Variants in CSMD3 observed in about 807,000 individuals in gnomAD.
CSMD3 encodes CUB and Sushi multiple domains 3.
A neutral mutation model predicts 435.2 loss-of-function variants in CSMD3; 177 were observed. The ratio of observed to expected loss-of-function variants is 0.41; its 90% CI spans 0.36 to 0.46. The LOEUF (loss-of-function observed/expected upper bound fraction) is 0.46, where lower values mean the gene tolerates loss of function less well. Among genes scored for constraint, CSMD3 ranks in the 20% least tolerant of loss-of-function variants. The probability of loss-of-function intolerance (pLI) is 0.34; values close to 1 mark genes in which losing one functional copy is unlikely to be tolerated. For missense variants in CSMD3, 4,265 were observed against 4,504.6 expected, an observed-to-expected ratio of 0.95 and a Z score of 1.52; for synonymous variants, 1,656 against 1,520.5, an observed-to-expected ratio of 1.09 and a Z score of -2.07.
At chr8:112,689,323 C>A (rs758601855) in intron 14 of CSMD3, among the ~76,000 whole-genome samples, 1 of 151,974 alleles carries the variant, frequency 6.6e-6, no homozygotes, top group Non-Finnish European at 1.5e-5. Flanking sequence ...AGTTAAACTG[C>A]AATATCTTAA....
At chr8:113,102,596 C>T (rs1333640674) in intron 4 of CSMD3, among the ~76,000 whole-genome samples, 6 of 151,964 alleles carry the variant, frequency 3.9e-5, no homozygotes, top group Non-Finnish European at 8.8e-5. Context: ...AACTAGTTAT[C>T]GAATTAAGGA....
chr8:112,861,307 G>C (rs1292287507), intron 10 of CSMD3, among the ~76,000 whole-genome samples: 1 of 151,702 alleles, frequency 6.6e-6, no homozygotes, highest in Non-Finnish European at 1.5e-5. Context: ...CTGCATGAAA[G>C]CTTGGTATCT....
chr8:112,778,682 A>G (rs2078305519), intron 13 of CSMD3, among the ~76,000 whole-genome samples: 1 of 151,954 alleles, frequency 6.6e-6, no homozygotes, highest in Non-Finnish European at 1.5e-5. Context: ...TTTTGAGTTC[A>G]TTTGCGTAAA....
At chr8:112,922,326 T>TATTTATCCCCCTCATGA (rs1423588265) in intron 9 of CSMD3, among the ~76,000 whole-genome samples, 1 of 151,892 alleles carries the variant, frequency 6.6e-6, no homozygotes, top group Admixed American at 6.6e-5. Context: ...GAGAATGAGG[T>TATTTATCCCCCTCATGA]ATTTATCCCC....
chr8:112,373,007 T>A (rs978523195), intron 38 of CSMD3, among the ~76,000 whole-genome samples: 1,879 of 84,908 alleles, frequency 0.022, 36 homozygotes, highest in African/African-American at 0.054. Flanking sequence ...TATATAAAAA[T>A]ATATATATAT....
chr8:112,573,657 T>C lies in CSMD3; in HGVS notation c.3886A>G (p.Ile1296Val). The C allele has an allele frequency of 1.9e-6, 3 of 1,571,780 alleles. No homozygotes were observed. The highest frequency in any genetic ancestry group is 2.7e-5 in the African/African-American group (2 of 73,734). ...GTCGTTTTATCTTTTCCATCATAAA[T>C]CTGCAAAATATATTTATAATTAAAA... The part of the protein sequence containing the change: ...FHLAQGDVLK[I>V]YDGKDKTTHL... Residue 1296 changes from isoleucine to valine, a missense_variant and splice_region_variant, in exon 24 of 71, where the codon ATT becomes GTT. Transcript: ENST00000297405.
intron 61 of CSMD3, among the ~76,000 whole-genome samples, chr8:112,261,981 T>A (rs571620686): frequency 6.6e-6 from 1 of 152,254 alleles, no homozygotes; most frequent in Non-Finnish European, 1.5e-5. Flanking sequence ...TGTACAAGTC[T>A]GTGATTGGTC....
chr8:113,095,072 G>GAA (rs972437815), intron 5 of CSMD3, among the ~76,000 whole-genome samples: 1 of 142,512 alleles, frequency 7.0e-6, no homozygotes, highest in Non-Finnish European at 1.5e-5. Flanking sequence ...CTCCATCTCA[G>GAA]AAAAAAAAAA....
rs535066541 is a variant in CSMD3, at chr8:112,384,496, T to C, written c.5935-833A>G. Among the ~76,000 whole-genome samples the C allele has an allele frequency of 2.6e-5, 4 of 152,344 alleles. No individual in the cohort carries two copies. The East Asian group carries it at 7.7e-4, about 29-fold the overall frequency. ...CTCACAACTACGGATGCTACCTATT[T>C]TGCTATTTCTTTATTAAATTTTTTG... On this transcript the variant is annotated intron_variant, in intron 36 of 70. Transcript: ENST00000297405.
At chr8:112,457,805 C>A (rs934964883) in intron 32 of CSMD3, among the ~76,000 whole-genome samples, 4 of 151,992 alleles carry the variant, frequency 2.6e-5, no homozygotes, top group African/African-American at 9.7e-5. Context: ...CTCCCAGCTG[C>A]ATATGAATGT....
chr8:112,686,744 C>T (rs1383845525), intron 14 of CSMD3, among the ~76,000 whole-genome samples: 2 of 151,988 alleles, frequency 1.3e-5, no homozygotes, highest in Non-Finnish European at 2.9e-5. Context: ...CCTCGGCCTC[C>T]GTAAGTAATG....
intron 30 of CSMD3, among the ~76,000 whole-genome samples, chr8:112,499,373 A>G (rs1821703493): frequency 6.6e-6 from 1 of 152,136 alleles, no homozygotes; most frequent in Admixed American, 6.6e-5. Flanking sequence ...GATTTTACCC[A>G]ACTATTTCAA....
intron 4 of CSMD3, among the ~76,000 whole-genome samples, chr8:113,110,513 C>A (rs2090606417): frequency 6.6e-6 from 1 of 152,172 alleles, no homozygotes; most frequent in South Asian, 2.1e-4. Flanking sequence ...TTTCTAATAA[C>A]ATGTTCCTAA....
chr8:112,627,808 A>G (rs1002692475), intron 22 of CSMD3, among the ~76,000 whole-genome samples: 1 of 152,172 alleles, frequency 6.6e-6, no homozygotes, highest in Non-Finnish European at 1.5e-5. Context: ...CACATGGTGA[A>G]TTAACTTTAT....
chr8:112,342,816 A>G (rs1586822508), intron 41 of CSMD3, among the ~76,000 whole-genome samples: 1 of 151,912 alleles, frequency 6.6e-6, no homozygotes, highest in African/African-American at 2.4e-5. Flanking sequence ...AAATTAGATT[A>G]ACTTTTTAGA....
In CSMD3 at chr8:113,018,824, C is replaced by A. The variant is rs191751312; in HGVS notation, c.1030+243G>T. The A allele has an allele frequency of 3.0e-5, 15 of 497,944 alleles. No homozygotes were observed. In the Admixed American group the frequency reaches 3.5e-4, roughly 11 times the overall value. 30.8% of individuals were successfully genotyped at this position (497,944 alleles called of 1,614,324 possible). On this transcript the variant is annotated intron_variant, in intron 6 of 70. Coordinates refer to ENST00000297405, the MANE Select transcript of CSMD3 (RefSeq NM_198123.2). ...TTATTAAAGAAAAATATTGCATCTG[C>A]TACATACTACCTTTTAGAAATCATA... is the stretch of plus-strand genomic sequence containing the variant.
At chr8:112,736,870 G>A (rs1315593136) in intron 13 of CSMD3, among the ~76,000 whole-genome samples, 12 of 151,884 alleles carry the variant, frequency 7.9e-5, no homozygotes, top group Admixed American at 2.0e-4. Flanking sequence ...CTATATCAGC[G>A]TATACTGCCC....
intron 1 of CSMD3, among the ~76,000 whole-genome samples, chr8:113,417,499 C>T (rs965818672): frequency 7.2e-5 from 11 of 151,764 alleles, no homozygotes; most frequent in East Asian, 1.9e-4. Context: ...TGGAAGCAAA[C>T]CTCAATGATA....
At position 112,231,553 on chromosome 8, in the gene CSMD3, T is replaced by C. The variant is rs1563663188; in HGVS notation, c.10820A>G (p.Gln3607Arg). The C allele has an allele frequency of 1.3e-6, 2 of 1,597,758 alleles. No homozygotes were observed. The highest frequency in any genetic ancestry group is 1.3e-5 in the African/African-American group (1 of 74,698). Residue 3607 changes from glutamine (Q) to arginine (R), a missense_variant, in exon 69 of 71, where the codon CAA becomes CGA. Around this residue, in one of 3 missense-constraint regions of CSMD3, gnomAD observed 3,255 missense variants for 3,380.2 expected, o/e 0.96. Coordinates refer to ENST00000297405, the MANE Select transcript of CSMD3 (RefSeq NM_198123.2). ...CAAAATGAATACATTACCCAGTCTT[T>C]GTAGGCCAAATTGTCCATAATCTTT... ...QGKDYGQFGL[Q>R]RLGLNMSEGS...
Sources: gnomAD v4.1 joint callset for allele counts (sites outside exome capture counted in the v4.1 genomes callset) on GRCh38, gnomAD v4.1.1 for gene constraint, gnomAD v4.1.1 regional missense constraint, MANE v1.5 for transcripts, NCBI Gene and HGNC (gene_info 2026-07-23, HGNC 2026-07-21) for gene names.